PTPRS: variants seen among roughly 807,000 people sequenced by gnomAD.
PTPRS encodes the protein protein tyrosine phosphatase receptor type S, also known as receptor-type tyrosine-protein phosphatase S.
A neutral mutation model predicts 215.3 loss-of-function variants in PTPRS; 63 were observed. That is an observed-to-expected ratio of 0.29 (90% CI 0.24 to 0.36). The LOEUF is 0.36. Ranked by LOEUF, PTPRS falls within the 10% of genes least tolerant of loss-of-function variation. The probability of loss-of-function intolerance (pLI) is 1.00; values close to 1 mark genes in which losing one functional copy is unlikely to be tolerated. For synonymous variants in PTPRS, 1,404 were observed against 1,191.4 expected, an observed-to-expected ratio of 1.18 and a Z score of -3.68; for missense variants, 2,258 against 2,825.8, an observed-to-expected ratio of 0.80 and a Z score of 4.56.
chr19:5,303,007 T>A (rs1054291703), intron 1 of PTPRS, among the ~76,000 whole-genome samples: 1 of 151,694 alleles, frequency 6.6e-6, no homozygotes, highest in African/African-American at 2.4e-5. Context: ...GAGGCAGAGC[T>A]TGCAGTGAGC....
chr19:5,319,241 T>C (rs1375092680), intron 1 of PTPRS, among the ~76,000 whole-genome samples: 1 of 151,890 alleles, frequency 6.6e-6, no homozygotes, highest in Non-Finnish European at 1.5e-5. Context: ...GCAAAACCCA[T>C]CACTACTAAA....
chr19:5,324,778 G>A (rs752333336), intron 1 of PTPRS, among the ~76,000 whole-genome samples: 1 of 152,162 alleles, frequency 6.6e-6, no homozygotes, highest in African/African-American at 2.4e-5. Flanking sequence ...ACAGGACCAC[G>A]AGGCACTCAG....
Position 5,321,846 on chromosome 19 carries a change from G to A in PTPRS, c.-95+18818C>T, listed in dbSNP as rs866278185. Among the ~76,000 whole-genome samples the A allele has an allele frequency of 2.6e-5, 4 of 151,872 alleles. No homozygotes were observed. The Middle Eastern group carries it at 0.01, about 387-fold the overall frequency. ...TCCTCATTTTACAAACAGGTAAACC[G>A]AGGCTTGGAGAAATAGAACCATTTA... On this transcript the variant is annotated intron_variant, in intron 1 of 37. Transcript: ENST00000262963.
Position 5,218,486 on chromosome 19 carries a change from C to T in PTPRS, c.3982G>A (p.Ala1328Thr). Residue 1328 changes from alanine (A) to threonine (T), a missense_variant, in exon 25 of 38, where the codon GCC becomes ACC. Coordinates refer to ENST00000262963, the MANE Select transcript of PTPRS (RefSeq NM_002850.4). ...TTGGGGTGGTGAGGGGCGAGGTCGG[C>T]ATTGTTCAGGAGGCATTTGGTGCGG... ...EPRTKCLLNN[A>T]DLAPHHPKDP... The T allele has an allele frequency of 3.7e-6, 6 of 1,614,080 alleles. No homozygotes were observed. Among genetic ancestry groups the T allele is most frequent in the Non-Finnish European group, 5.1e-6 (6 of 1,180,012 alleles).
In PTPRS at chr19:5,293,896, C is replaced by A. The variant is rs562930685; in HGVS notation, c.-94-7662G>T. ...CCAGATTGGAAACAGATGGGGCCGC[C>A]GTGCCAGGCCCGCGACACCGGAGCA... On this transcript the variant is annotated intron_variant, in intron 1 of 37. Coordinates refer to ENST00000262963, the MANE Select transcript of PTPRS (RefSeq NM_002850.4). The surrounding 1 kb of genome is among the most constrained non-coding windows in gnomAD (Gnocchi z 8.4). Among the ~76,000 whole-genome samples, 1 of 152,204 alleles carries A rather than the reference C, an allele frequency of 6.6e-6. No individual in the cohort carries two copies. Among genetic ancestry groups the A allele is most frequent in the South Asian group, 2.1e-4 (1 of 4,818 alleles).
chr19:5,282,536 C>T (rs1237534354), intron 2 of PTPRS, among the ~76,000 whole-genome samples: 1 of 152,160 alleles, frequency 6.6e-6, no homozygotes, highest in Non-Finnish European at 1.5e-5. Flanking sequence ...GGCGCAGAGG[C>T]TCACACCTAT....
chr19:5,284,685 A>G (rs2048188160), intron 2 of PTPRS, among the ~76,000 whole-genome samples: 1 of 151,458 alleles, frequency 6.6e-6, no homozygotes, highest in African/African-American at 2.4e-5. Context: ...GCTGGCTCAC[A>G]CCTGTAATTC....
chr19:5,274,422 C>T lies in PTPRS; in HGVS notation c.92-78G>A. ...TAGGATACCAAGGAGCCACGAAAAC[C>T]TGCATTCCATGCCCTGCCCACGGAA... On this transcript the variant is annotated intron_variant, in intron 2 of 37. Coordinates refer to ENST00000262963, the MANE Select transcript of PTPRS (RefSeq NM_002850.4). The T allele has an allele frequency of 2.0e-6, 3 of 1,475,176 alleles. No homozygotes were observed. The South Asian group carries it at 3.9e-5, about 19-fold the overall frequency. 91.4% of individuals were successfully genotyped at this position (1,475,176 alleles called of 1,614,324 possible).
At chr19:5,288,117 G>T (rs1447513954) in intron 1 of PTPRS, among the ~76,000 whole-genome samples, 2 of 152,092 alleles carry the variant, frequency 1.3e-5, no homozygotes, top group Non-Finnish European at 2.9e-5. Flanking sequence ...AGGGGTCATG[G>T]TGGGGCAGGC....
At chr19:5,262,935 T>C (rs755895858) in intron 6 of PTPRS, 29 bp downstream of exon 6, 1 of 1,573,658 alleles carries the variant, frequency 6.4e-7, no homozygotes, top group African/African-American at 1.4e-5. Flanking sequence ...GGGCGTTAGT[T>C]GTTGACGTGG....
intron 1 of PTPRS, among the ~76,000 whole-genome samples, chr19:5,330,859 T>C (rs2050300228): frequency 6.6e-6 from 1 of 152,020 alleles, no homozygotes; most frequent in African/African-American, 2.4e-5. Context: ...CCTGCTGATA[T>C]CTGGGAGTTG....
chr19:5,218,746 C>T (rs200619826), intron 24 of PTPRS, 41 bp downstream of exon 24: 2 of 1,609,218 alleles, frequency 1.2e-6, no homozygotes, highest in African/African-American at 1.3e-5. Flanking sequence ...CTGTCCTCTT[C>T]CTCTTGCCTG....
At chr19:5,311,196 G>A (rs1734348183) in intron 1 of PTPRS, among the ~76,000 whole-genome samples, 1 of 152,110 alleles carries the variant, frequency 6.6e-6, no homozygotes, top group South Asian at 2.1e-4. Flanking sequence ...TTTTAGTAGA[G>A]ATGAGATTTC....
chr19:5,239,167 G>A, intron 12 of PTPRS, 104 bp from the exon 13 acceptor site: 1 of 555,030 alleles, frequency 1.8e-6, no homozygotes, highest in African/African-American at 2.4e-5. Flanking sequence ...GGGAGGGGGA[G>A]AGAGAGAGAG....
At chr19:5,228,554 G>C (rs1215393895) in intron 16 of PTPRS, among the ~76,000 whole-genome samples, 2 of 152,026 alleles carry the variant, frequency 1.3e-5, no homozygotes, top group Non-Finnish European at 1.5e-5. Flanking sequence ...CTGTTGGCCA[G>C]GCTGGTCTTG....
intron 4 of PTPRS, among the ~76,000 whole-genome samples, chr19:5,270,449 C>T (rs1349011980): frequency 6.6e-6 from 1 of 152,026 alleles, no homozygotes. Flanking sequence ...CCCCATTACA[C>T]CAGGCTAAGT....
Position 5,225,708 on chromosome 19 carries a change from A to G in PTPRS, c.2494+19T>C. The G allele has an allele frequency of 6.3e-7, 1 of 1,579,328 alleles. No homozygotes were observed. Among genetic ancestry groups the G allele is most frequent in the Non-Finnish European group, 8.7e-7 (1 of 1,154,094 alleles). ...GGCAAAGGGGCTGTTGGTGGGTGGG[A>G]GGAGGGCGGGTTGCATACCTGCTCC... is the stretch of plus-strand genomic sequence containing the variant. On this transcript the variant is annotated intron_variant, in intron 17 of 37. Transcript: ENST00000262963.
chr19:5,211,753 T>C lies in PTPRS; in HGVS notation c.5071A>G (p.Lys1691Glu), dbSNP rs575809662. Residue 1691 changes from lysine to glutamate, a missense_variant, in exon 33 of 38, where the codon AAG becomes GAG. Physicochemically the swap from Lys to Glu is moderately conservative, Grantham distance 56 (BLOSUM62 1). This residue lies in a region of PTPRS where 927 missense variants were observed against 1,125.9 expected (regional missense o/e 0.82). Coordinates refer to ENST00000262963, the MANE Select transcript of PTPRS (RefSeq NM_002850.4). ...ELEFKRLANS[K>E]AHTSRFISAN... is the part of the protein sequence containing the mutation. The stretch of plus-strand genomic sequence containing the variant: ...CTGATGAAGCGTGACGTGTGGGCCT[T>C]GGAGTTAGCCAGCCGCTGTGGGGAG... The C allele has an allele frequency of 1.2e-6, 2 of 1,612,770 alleles. No individual in the cohort carries two copies. Among genetic ancestry groups the C allele is most frequent in the Middle Eastern group, 1.7e-4 (1 of 6,058 alleles).
chr19:5,206,664 C>T lies in PTPRS; in HGVS notation c.*110G>A, dbSNP rs114122625. ...AATGGTGCAGAAACACAGCTGCTGC[C>T]GCTGCCACCTCCTGCCCTGCCCACT... On this transcript the variant is annotated 3_prime_UTR_variant, in exon 38 of 38. Transcript: ENST00000262963. The T allele has an allele frequency of 9.8e-3, 8,801 of 900,954 alleles. 527 individuals carry two copies. In the African/African-American group the frequency reaches 0.13, roughly 13 times the overall value. 55.8% of individuals were successfully genotyped at this position (900,954 alleles called of 1,614,324 possible).
Sources: gnomAD v4.1 joint callset for allele counts (sites outside exome capture counted in the v4.1 genomes callset) on GRCh38, gnomAD v4.1.1 for gene constraint, gnomAD v4.1.1 regional missense constraint, Gnocchi (gnomAD v3.1) non-coding constraint, MANE v1.5 for transcripts, NCBI Gene and HGNC (gene_info 2026-07-23, HGNC 2026-07-21) for gene names.